CT47C1: variants seen among roughly 807,000 people sequenced by gnomAD.
CT47C1 encodes cancer/testis antigen family 47 member C1.
chrX:119,075,550 C>T, the CT47C1 span, among the ~76,000 whole-genome samples: 1 of 111,877 alleles, frequency 8.9e-6, no homozygotes, highest in Non-Finnish European at 1.9e-5. Flanking sequence ...AAAGTGACTA[C>T]TAACAAATAG....
chrX:119,073,561 G>A, the CT47C1 span: 8 of 521,412 alleles, frequency 1.5e-5, no homozygotes, highest in Non-Finnish European at 2.8e-5. Context: ...ACTTCGACTT[G>A]GTCGCGGCCG....
At chrX:119,073,017 G>A in the CT47C1 span, among the ~76,000 whole-genome samples, 2 of 112,079 alleles carry the variant, frequency 1.8e-5, no homozygotes, top group Admixed American at 9.4e-5. Context: ...CAACCTCAGC[G>A]GGAGGCTCCT....
At chrX:119,075,200 AAATT>A in the CT47C1 span, 3 of 985,183 alleles carry the variant, frequency 3.0e-6, no homozygotes, top group East Asian at 3.1e-5. Context: ...AATTCCCAGT[AAATT>A]AATTAAGAAA....
the CT47C1 span, chrX:119,073,539 A>G: frequency 1.9e-6 from 1 of 518,220 alleles, no homozygotes; most frequent in South Asian, 2.5e-5. Flanking sequence ...GAAGAGAGGA[A>G]CGAGGCGGAC....
At chrX:119,074,944 T>A in the CT47C1 span, 9 of 1,028,064 alleles carry the variant, frequency 8.8e-6, no homozygotes, top group Non-Finnish European at 1.2e-5. Context: ...AACATCTGTA[T>A]TATTCTTCGC....
chrX:119,075,592 T>C, the CT47C1 span, among the ~76,000 whole-genome samples: 2 of 112,550 alleles, frequency 1.8e-5, no homozygotes, highest in Non-Finnish European at 3.8e-5. Context: ...TAGGACCACA[T>C]TTAATGACTA....
chrX:119,074,190 T>A, the CT47C1 span: 1 of 389,264 alleles, frequency 2.6e-6, no homozygotes, highest in African/African-American at 2.6e-5. Flanking sequence ...GAAGTGGGGG[T>A]CGGGCCTCGG....
the CT47C1 span, chrX:119,073,347 G>A: frequency 1.9e-6 from 1 of 531,051 alleles, no homozygotes; most frequent in Non-Finnish European, 3.4e-6. Context: ...CCCGACAGTG[G>A]CAACACTGTG....
the CT47C1 span, chrX:119,073,174 C>T: frequency 2.2e-6 from 1 of 458,174 alleles, no homozygotes; most frequent in Non-Finnish European, 3.8e-6. Context: ...ACCGTCTTCA[C>T]CGTTGTCACC....
the CT47C1 span, among the ~76,000 whole-genome samples, chrX:119,075,444 T>TA: frequency 4.5e-5 from 5 of 111,945 alleles, no homozygotes; most frequent in Non-Finnish European, 9.4e-5. Context: ...ACGCAGCATC[T>TA]AACTTGCTTG....
At chrX:119,073,599 G>A in the CT47C1 span, 3 of 543,192 alleles carry the variant, frequency 5.5e-6, no homozygotes, top group South Asian at 2.6e-5. Context: ...AGAGGCTTTC[G>A]CATGGAGTTT....
the CT47C1 span, chrX:119,074,222 C>G: frequency 2.6e-6 from 1 of 378,735 alleles, no homozygotes; most frequent in African/African-American, 2.6e-5. Context: ...GGGGTCAGGG[C>G]CCTCCTGAAA....
the CT47C1 span, chrX:119,073,816 G>A: frequency 3.4e-6 from 3 of 876,769 alleles, no homozygotes; most frequent in South Asian, 2.0e-5. Flanking sequence ...AGGAGGCCGC[G>A]TTGGTCCCAG....
chrX:119,073,601 A>G, the CT47C1 span: 3 of 545,678 alleles, frequency 5.5e-6, no homozygotes, highest in African/African-American at 6.7e-5. Flanking sequence ...AGGCTTTCGC[A>G]TGGAGTTTCT....
At chrX:119,076,551 A>G in the CT47C1 span, among the ~76,000 whole-genome samples, 1 of 112,243 alleles carries the variant, frequency 8.9e-6, no homozygotes, top group Non-Finnish European at 1.9e-5. Context: ...GTTTAAAACC[A>G]TTTTTGCAAA....
At chrX:119,076,594 A>G in the CT47C1 span, among the ~76,000 whole-genome samples, 1 of 112,444 alleles carries the variant, frequency 8.9e-6, no homozygotes, top group Non-Finnish European at 1.9e-5. Flanking sequence ...TTAGAGCTGT[A>G]CTGTCTACTA....
At chrX:119,073,575 G>A in the CT47C1 span, 14 of 527,680 alleles carry the variant, frequency 2.7e-5, no homozygotes, top group African/African-American at 9.0e-5. Context: ...GCGGCCGCCC[G>A]TCGCTACCCC....
At chrX:119,073,308 T>G in the CT47C1 span, 5,324 of 511,228 alleles carry the variant, frequency 0.01, 180 homozygotes, top group African/African-American at 0.11. Context: ...GCCGAGGCCG[T>G]AGGTGACCGG....
chrX:119,073,339 C>A, the CT47C1 span: 4 of 525,300 alleles, frequency 7.6e-6, no homozygotes, highest in African/African-American at 2.3e-5. Flanking sequence ...ACTCTGGCCC[C>A]GACAGTGGCA....
Sources: allele counts gnomAD v4.1 joint callset (sites outside exome capture counted in the v4.1 genomes callset), GRCh38; gene constraint gnomAD v4.1.1; transcripts MANE v1.5; gene names NCBI Gene and HGNC (gene_info 2026-07-23, HGNC 2026-07-21).